EVI5L: variants seen among roughly 807,000 people sequenced by gnomAD.
The protein encoded by EVI5L is EVI5-like protein.
In EVI5L, 30 loss-of-function variants were observed where a neutral mutation model predicts 106.1. The ratio of observed to expected loss-of-function variants is 0.28; its 90% confidence interval spans 0.21 to 0.38. The LOEUF is 0.38. EVI5L is among the 10% of genes least tolerant of loss of function. The pLI is 1.00. For synonymous variants in EVI5L, 489 were observed against 483.3 expected, an observed-to-expected ratio of 1.01 and a Z score of -0.15; for missense variants, 809 against 1,098.0, an observed-to-expected ratio of 0.74 and a Z score of 3.72.
chr19:7,855,587 C>T, intron 10 of EVI5L, among the ~76,000 whole-genome samples: 1 of 152,158 alleles, frequency 6.6e-6, no homozygotes, highest in Non-Finnish European at 1.5e-5. Context: ...AGGAGCCTGC[C>T]CCCGGAATTG....
At chr19:7,831,815 G>T in intron 1 of EVI5L, among the ~76,000 whole-genome samples, 1 of 152,260 alleles carries the variant, frequency 6.6e-6, no homozygotes, top group East Asian at 1.9e-4. Context: ...GGGCGGTCCA[G>T]GTTGCTCCTC....
chr19:7,863,856 G>C lies in EVI5L; in HGVS notation c.*154G>C. ...CGAGGCCCGGCGAGGCAGCGCAGAG[G>C]GTAGGGTCCGACCTGGGCTCCTCAG... On this transcript the variant is annotated 3_prime_UTR_variant, in exon 20 of 20. Transcript: ENST00000538904. The surrounding 1 kb of genome is among the most constrained non-coding windows in gnomAD (Gnocchi z 7.7). The C allele has an allele frequency of 9.0e-7, 1 of 1,105,218 alleles. No homozygotes were observed. The highest frequency in any genetic ancestry group is 1.8e-5 in the South Asian group (1 of 56,362). The allele number at this position is 1,105,218 out of a possible 1,614,324, so 68.5% of individuals were successfully genotyped here. A position where few individuals can be genotyped will look rare whatever the true frequency, so the allele number is the denominator to read the frequency against.
rs566741469 is a variant in EVI5L, at chr19:7,844,319, G to A, written c.-47-2177G>A. Among the ~76,000 whole-genome samples the A allele has an allele frequency of 6.6e-3, 938 of 143,006 alleles. 12 individuals are homozygous for A. Among genetic ancestry groups the A allele is most frequent in the African/African-American group, 0.023 (902 of 38,472 alleles). 93.8% of individuals were successfully genotyped at this position (143,006 alleles called of 152,430 possible). On this transcript the variant is annotated intron_variant, in intron 1 of 19. Transcript: ENST00000538904. ...TGCACTCCAGCCTGGGCAACAGAGC[G>A]AGACTCCGTCTCAAAAAAAAAAAAA...
At chr19:7,851,346 T>C in intron 6 of EVI5L, 88 bp from the exon 7 acceptor site, 2 of 1,502,966 alleles carry the variant, frequency 1.3e-6, no homozygotes, top group Non-Finnish European at 1.8e-6. Flanking sequence ...CCAGGAAGGC[T>C]CCCTGGAGGC....
At position 7,845,118 on chromosome 19, in the gene EVI5L, G is replaced by A. The variant is rs1217742718; in HGVS notation, c.-47-1378G>A. Among the ~76,000 whole-genome samples the A allele has an allele frequency of 6.6e-6, 1 of 152,136 alleles. No homozygotes were observed. The highest frequency in any genetic ancestry group is 1.5e-5 in the Non-Finnish European group (1 of 68,008). The stretch of plus-strand genomic sequence containing the variant: ...CAGCGAGGCCCTCTCTGTAGGTGGA[G>A]CTGTCAGCCAGGTCAGGTGGGGTCA... On this transcript the variant is annotated intron_variant, in intron 1 of 19. Transcript: ENST00000538904. This position sits in a 1 kb window ranked among gnomAD's most constrained non-coding sequence, Gnocchi z 4.0.
At chr19:7,836,377 G>T (rs1022309689) in intron 1 of EVI5L, among the ~76,000 whole-genome samples, 1 of 152,218 alleles carries the variant, frequency 6.6e-6, no homozygotes, top group African/African-American at 2.4e-5. Context: ...TCTCACCGTT[G>T]AAAAATAATG....
intron 1 of EVI5L, among the ~76,000 whole-genome samples, chr19:7,830,855 T>G (rs1445989041): frequency 3.0e-5 from 3 of 98,890 alleles, no homozygotes; most frequent in African/African-American, 1.2e-4. Flanking sequence ...TCACTTCACG[T>G]CCTCCTATCT....
intron 13 of EVI5L, among the ~76,000 whole-genome samples, 194 bp from the exon 14 acceptor site, chr19:7,860,367 T>C (rs11673660): frequency 0.012 from 1,759 of 152,274 alleles, 18 homozygotes; most frequent in Admixed American, 0.018. Context: ...GGAAGGAAGC[T>C]GGACCGGGCC....
intron 1 of EVI5L, among the ~76,000 whole-genome samples, chr19:7,844,342 AAAAAAAAAG>A (rs1382145689): frequency 2.6e-5 from 4 of 151,030 alleles, no homozygotes; most frequent in East Asian, 1.9e-4. Flanking sequence ...AAAAAAAAAA[AAAAAAAAAG>A]AAAGAAAGAA....
chr19:7,852,892 A>T, intron 8 of EVI5L, 194 bp from the exon 9 acceptor site: 1 of 589,652 alleles, frequency 1.7e-6, no homozygotes, highest in Non-Finnish European at 3.0e-6. Context: ...CTTTGGCTGC[A>T]GGCAGTCCCC....
Position 7,863,092 on chromosome 19 carries a change from G to T in EVI5L, c.2043+25G>T. 2.5e-6 allele frequency: 2 copies of T among 796,922 alleles called. No homozygotes were observed. The highest frequency in any genetic ancestry group is 3.1e-5 in the South Asian group (2 of 65,560). The allele number at this position is 796,922 out of a possible 1,614,324, so 49.4% of individuals were successfully genotyped here. On this transcript the variant is annotated intron_variant, in intron 18 of 19. Transcript: ENST00000538904. The surrounding 1 kb of genome is among the most constrained non-coding windows in gnomAD (Gnocchi z 7.7). ...GGTGATCGGCGGGGCCGGGGTCGGGGGGCGGGGGCGGGGGCAGGGCCCGGG... is the reference window on the plus strand; with the variant it reads ...GGTGATCGGCGGGGCCGGGGTCGGGTGGCGGGGGCGGGGGCAGGGCCCGGG...
At chr19:7,834,554 A>C (rs149142901) in intron 1 of EVI5L, among the ~76,000 whole-genome samples, 54 of 152,196 alleles carry the variant, frequency 3.5e-4, no homozygotes, top group African/African-American at 1.2e-3. Flanking sequence ...TTCTAGTTTT[A>C]CTGTGTTTAC....
At chr19:7,852,495 ACCCTCAG>A (rs1280752064) in intron 8 of EVI5L, among the ~76,000 whole-genome samples, 1 of 141,210 alleles carries the variant, frequency 7.1e-6, no homozygotes, top group Non-Finnish European at 1.5e-5. Context: ...AGACCCCCCG[ACCCTCAG>A]CCTTCACTCC....
In EVI5L at chr19:7,850,125, G is replaced by T; in HGVS notation, c.753+3G>T. ...ATCAGTTCGAGTACATGCTGCAGGT[G>T]AGCAGGGCCGCAGGAGAGCAGGGCT... On this transcript the variant is annotated splice_donor_region_variant and intron_variant, in intron 6 of 19. Transcript: ENST00000538904. This position sits in a 1 kb window ranked among gnomAD's most constrained non-coding sequence, Gnocchi z 5.4. 4.4e-6 allele frequency: 7 copies of T among 1,601,376 alleles called. No homozygotes were observed. The highest frequency in any genetic ancestry group is 6.0e-6 in the Non-Finnish European group (7 of 1,174,478).
At chr19:7,843,244 A>G (rs552242153) in intron 1 of EVI5L, among the ~76,000 whole-genome samples, 30 of 73,652 alleles carry the variant, frequency 4.1e-4, no homozygotes, top group Admixed American at 1.4e-3. Flanking sequence ...GAGTGTGTGC[A>G]TGTGTGTATA....
Position 7,864,725 on chromosome 19 carries a change from C to T in EVI5L, c.*1023C>T, listed in dbSNP as rs1293066949. ...GCCTCATGACCCTGGGGGCTGCCCC[C>T]CTCGGTGCTCCCGGAGCCTCCAGTA... On this transcript the variant is annotated 3_prime_UTR_variant, in exon 20 of 20. Transcript: ENST00000538904. The surrounding 1 kb of genome is among the most constrained non-coding windows in gnomAD (Gnocchi z 4.5). 1.3e-5 allele frequency: 2 copies of T among 152,352 alleles called. No homozygotes were observed. The highest frequency in any genetic ancestry group is 2.9e-5 in the Non-Finnish European group (2 of 68,042). The allele number at this position is 152,352 out of a possible 1,614,324, so 9.4% of individuals were successfully genotyped here. A position where few individuals can be genotyped will look rare whatever the true frequency, so the allele number is the denominator to read the frequency against.
chr19:7,853,683 T>C, intron 10 of EVI5L: 1 of 330,888 alleles, frequency 3.0e-6, no homozygotes, highest in Non-Finnish European at 5.8e-6. Flanking sequence ...GGGCAGAGGC[T>C]CCGGGCCCAG....
chr19:7,842,527 G>T (rs1188731635), intron 1 of EVI5L, among the ~76,000 whole-genome samples: 2 of 150,962 alleles, frequency 1.3e-5, no homozygotes, highest in Non-Finnish European at 3.0e-5. Context: ...GTGCATGTCT[G>T]TGAATTGGGG....
intron 10 of EVI5L, among the ~76,000 whole-genome samples, chr19:7,854,527 T>G (rs546617069): frequency 6.6e-6 from 1 of 152,116 alleles, no homozygotes; most frequent in African/African-American, 2.4e-5. Context: ...CCCAACACTT[T>G]GAGAGGCTGA....
Sources: gnomAD v4.1 joint callset for allele counts (sites outside exome capture counted in the v4.1 genomes callset) on GRCh38, gnomAD v4.1.1 for gene constraint, Gnocchi (gnomAD v3.1) non-coding constraint, MANE v1.5 for transcripts, NCBI Gene and HGNC (gene_info 2026-07-23, HGNC 2026-07-21) for gene names.